The following RIMKLB variants were observed in gnomAD, a reference collection of about 807,000 sequenced individuals.
The protein encoded by RIMKLB is ribosomal modification protein rimK like family member B.
A neutral mutation model predicts 32.0 loss-of-function variants in RIMKLB; 7 were observed. That is an observed-to-expected ratio of 0.22 (90% confidence interval 0.12 to 0.41). The LOEUF is 0.41. RIMKLB is among the 10% of genes least tolerant of loss of function. The pLI is 1.00. For synonymous variants in RIMKLB, 172 were observed against 185.1 expected, an observed-to-expected ratio of 0.93 and a Z score of 0.57; for missense variants, 289 against 498.7, an observed-to-expected ratio of 0.58 and a Z score of 4.00.
At chr12:8,704,484 C>T (rs1253444943) in intron 1 of RIMKLB, among the ~76,000 whole-genome samples, 1 of 152,096 alleles carries the variant, frequency 6.6e-6, no homozygotes, top group African/African-American at 2.4e-5. Context: ...ATGACTTAAC[C>T]TGTAGAAAGA....
intron 1 of RIMKLB, among the ~76,000 whole-genome samples, chr12:8,698,785 G>C (rs1214711935): frequency 6.6e-6 from 1 of 151,892 alleles, no homozygotes; most frequent in Admixed American, 6.6e-5. Flanking sequence ...TACTGTATTC[G>C]ATTCCACGTT....
chr12:8,711,613 C>T (rs1944385849), intron 1 of RIMKLB, among the ~76,000 whole-genome samples: 1 of 152,082 alleles, frequency 6.6e-6, no homozygotes. Flanking sequence ...TGGTGCGCTG[C>T]ACCCACTAAC....
At chr12:8,772,393 C>T (rs59291561) in intron 5 of RIMKLB, among the ~76,000 whole-genome samples, 5,010 of 152,250 alleles carry the variant, frequency 0.033, 275 homozygotes, top group African/African-American at 0.11. Flanking sequence ...TTTCTTTCAT[C>T]AAAGTCATAG....
chr12:8,707,006 AAAAG>A (rs1943937977), intron 1 of RIMKLB, among the ~76,000 whole-genome samples: 1 of 152,202 alleles, frequency 6.6e-6, no homozygotes, highest in African/African-American at 2.4e-5. Flanking sequence ...AAGTCACAGA[AAAAG>A]AGGCTTGATA....
intron 2 of RIMKLB, among the ~76,000 whole-genome samples, chr12:8,725,821 C>T (rs1945930201): frequency 6.6e-6 from 1 of 152,214 alleles, no homozygotes; most frequent in South Asian, 2.1e-4. Flanking sequence ...AACTGCCACA[C>T]TGTCTTCCAG....
At chr12:8,677,486 TCTGTTCAGTCATTACTCTTAACAGAGTC>T (rs1942349961), upstream of RIMKLB, among the ~76,000 whole-genome samples, 1 of 152,124 alleles carries the variant, frequency 6.6e-6, no homozygotes, top group African/African-American at 2.4e-5. Flanking sequence ...CGGCTTCAGC[TCTGTTCAGTCATTACTCTTAACAGAGTC>T]CTAAGTGATC....
chr12:8,733,865 T>TGA (rs2137346730), intron 2 of RIMKLB, among the ~76,000 whole-genome samples: 1 of 152,276 alleles, frequency 6.6e-6, no homozygotes, highest in African/African-American at 2.4e-5. Flanking sequence ...GGTGACACAG[T>TGA]GAGACCCTGT....
intron 1 of RIMKLB, among the ~76,000 whole-genome samples, chr12:8,689,635 T>C (rs2136565030): frequency 6.6e-6 from 1 of 152,318 alleles, no homozygotes; most frequent in Non-Finnish European, 1.5e-5. Flanking sequence ...GATTAAAGTC[T>C]CCTTCACTTT....
In RIMKLB at chr12:8,774,019, C is replaced by A; in HGVS notation, c.*235C>A. On this transcript the variant is annotated 3_prime_UTR_variant, in exon 6 of 6. Coordinates refer to ENST00000535829, the MANE Select transcript of RIMKLB (RefSeq NM_001297776.2). ...AGGTGGGGTATAGAAAAATGTCAGG[C>A]TCTCATAGTTACCCTTTTAAATTGC... 2.3e-6 allele frequency: 3 copies of A among 1,322,868 alleles called. No individual in the cohort carries two copies. The highest frequency in any genetic ancestry group is 2.9e-6 in the Non-Finnish European group (3 of 1,039,224). The allele number at this position is 1,322,868 out of a possible 1,614,324, so 81.9% of individuals were successfully genotyped here. A position where few individuals can be genotyped will look rare whatever the true frequency, so the allele number is the denominator to read the frequency against.
chr12:8,717,399 T>G (rs1944969405), intron 2 of RIMKLB, among the ~76,000 whole-genome samples: 1 of 152,174 alleles, frequency 6.6e-6, no homozygotes, highest in Non-Finnish European at 1.5e-5. Context: ...TAGTTGTAAA[T>G]GAGTAGAAGG....
chr12:8,733,230 T>C (rs746111893), intron 2 of RIMKLB, among the ~76,000 whole-genome samples: 22 of 152,258 alleles, frequency 1.4e-4, no homozygotes, highest in Non-Finnish European at 2.8e-4. Flanking sequence ...CAAAGAATTA[T>C]TCTGTTCAGA....
At chr12:8,717,654 A>G (rs1388110071) in intron 2 of RIMKLB, among the ~76,000 whole-genome samples, 1 of 152,228 alleles carries the variant, frequency 6.6e-6, no homozygotes, top group Non-Finnish European at 1.5e-5. Context: ...TTCATAGTAT[A>G]TCTGACATAA....
upstream of RIMKLB, among the ~76,000 whole-genome samples, chr12:8,692,327 T>C (rs968140306): frequency 6.6e-6 from 1 of 152,242 alleles, no homozygotes; most frequent in Non-Finnish European, 1.5e-5. Flanking sequence ...TTTTGGTCTC[T>C]AAGACACTGT....
At chr12:8,729,411 C>T (rs951920778) in intron 2 of RIMKLB, among the ~76,000 whole-genome samples, 1 of 151,994 alleles carries the variant, frequency 6.6e-6, no homozygotes, top group African/African-American at 2.4e-5. Flanking sequence ...TTCTCTGAAG[C>T]TGCGCTCTCG....
intron 5 of RIMKLB, among the ~76,000 whole-genome samples, chr12:8,766,583 G>A (rs897001241): frequency 6.6e-6 from 1 of 152,176 alleles, no homozygotes; most frequent in East Asian, 1.9e-4. Flanking sequence ...TCGCAGGTTT[G>A]AGCAGACCAA....
At chr12:8,741,580 C>G (rs1489556386) in intron 2 of RIMKLB, among the ~76,000 whole-genome samples, 1 of 151,564 alleles carries the variant, frequency 6.6e-6, no homozygotes, top group Non-Finnish European at 1.5e-5. Flanking sequence ...GAGATCGAGA[C>G]CAGCCTGGCT....
At chr12:8,766,253 T>TA (rs1169014253) in intron 5 of RIMKLB, among the ~76,000 whole-genome samples, 1 of 152,196 alleles carries the variant, frequency 6.6e-6, no homozygotes, top group East Asian at 1.9e-4. Flanking sequence ...TCGGATTAGT[T>TA]ACGCTCACTG....
At chr12:8,741,340 T>C (rs1238142518) in intron 2 of RIMKLB, among the ~76,000 whole-genome samples, 1 of 150,916 alleles carries the variant, frequency 6.6e-6, no homozygotes, top group African/African-American at 2.5e-5. Context: ...ATCGCACCAC[T>C]GCACTCCAGC....
chr12:8,701,598 T>C lies in RIMKLB; in HGVS notation c.-57+3301T>C, dbSNP rs769931182. ...AACTTTGTTAACAAAGCTAATCATT[T>C]CTGGATCAGTTATATGACCGTTATG... On this transcript the variant is annotated intron_variant, in intron 1 of 5. Coordinates refer to ENST00000535829, the MANE Select transcript of RIMKLB (RefSeq NM_001297776.2). 2.3e-4 allele frequency among the ~76,000 whole-genome samples: 35 copies of C among 152,208 alleles called. 1 individual carries two copies. In the East Asian group the frequency reaches 6.2e-3, roughly 27 times the overall value.
Sources: allele counts gnomAD v4.1 joint callset (sites outside exome capture counted in the v4.1 genomes callset), GRCh38; gene constraint gnomAD v4.1.1; transcripts MANE v1.5; gene names NCBI Gene and HGNC (gene_info 2026-07-23, HGNC 2026-07-21).